Variants in STRADB observed in about 807,000 individuals in gnomAD.
STRADB encodes the protein STE20 related adaptor beta.
A neutral mutation model predicts 52.1 loss-of-function variants in STRADB; 34 were observed. The observed-to-expected ratio is 0.65, with a 90% confidence interval of 0.50 to 0.87. The LOEUF (loss-of-function observed/expected upper bound fraction) is 0.87, where lower values mean the gene tolerates loss of function less well. Ranked by LOEUF, STRADB falls within the 40% of genes least tolerant of loss-of-function variation. The pLI is 0.00. For synonymous variants in STRADB, 133 were observed against 174.5 expected (o/e 0.76, Z 1.87); for missense variants, 340 against 483.9 (o/e 0.70, Z 2.79).
At chr2:201,456,251 C>T (rs1284101833) in intron 2 of STRADB, among the ~76,000 whole-genome samples, 2 of 152,082 alleles carry the variant, frequency 1.3e-5, no homozygotes, top group Non-Finnish European at 2.9e-5. Context: ...GGCTCATGGA[C>T]CATAGTTTGC....
intron 5 of STRADB, among the ~76,000 whole-genome samples, chr2:201,474,160 G>A (rs1952436725): frequency 6.6e-6 from 1 of 152,100 alleles, no homozygotes; most frequent in South Asian, 2.1e-4. Flanking sequence ...AAAGTGCTGG[G>A]ATTACAGGCG....
intron 4 of STRADB, among the ~76,000 whole-genome samples, chr2:201,470,730 C>T (rs1574289480): frequency 6.6e-6 from 1 of 152,208 alleles, no homozygotes; most frequent in South Asian, 2.1e-4. Flanking sequence ...GAGCATACAA[C>T]GAACCACCTC....
chr2:201,474,188 C>T (rs1233567283), intron 5 of STRADB, among the ~76,000 whole-genome samples: 1 of 152,060 alleles, frequency 6.6e-6, no homozygotes, highest in East Asian at 1.9e-4. Flanking sequence ...CCGTGCCCGG[C>T]CCCAATTCTT....
rs372938193 is a variant in STRADB at position 201,480,159 on chromosome 2, C to T, written c.1241C>T (p.Ser414Leu). 145 of 1,613,628 alleles carry T rather than the reference C, an allele frequency of 9.0e-5. No homozygotes were observed. Among genetic ancestry groups the T allele is most frequent in the Middle Eastern group, 1.6e-4 (1 of 6,074 alleles). Reference sequence around the variant, plus strand: ...TGTGATTTTCCTGATGAAAAAGACTCATACTGGGAATTCTAGGGCTGCCAA... The same window carrying T: ...TGTGATTTTCCTGATGAAAAAGACTTATACTGGGAATTCTAGGGCTGCCAA... ...PECDFPDEKDSYWEF is the reference protein window; with the variant it reads ...PECDFPDEKDLYWEF The change falls in exon 12 of 12, where the codon TCA (serine) becomes TTA (leucine). Residue 414 changes from serine to leucine, a missense_variant. Transcript: ENST00000194530.
intron 9 of STRADB, 81 bp downstream of exon 9, chr2:201,478,272 G>C (rs1305111077): frequency 2.1e-5 from 34 of 1,592,600 alleles, no homozygotes; most frequent in Non-Finnish European, 2.9e-5. Context: ...AAACATGTTT[G>C]CTATAGACTC....
At chr2:201,478,706 T>G in intron 10 of STRADB, 105 bp downstream of exon 10, 3 of 1,268,376 alleles carry the variant, frequency 2.4e-6, no homozygotes, top group Non-Finnish European at 3.2e-6. Context: ...TTGATCAAAA[T>G]ATTGTCTGCT....
Position 201,480,683 on chromosome 2 carries a change from A to T in STRADB, c.*508A>T. On this transcript the variant is annotated 3_prime_UTR_variant, in exon 12 of 12. Coordinates refer to ENST00000194530, the MANE Select transcript of STRADB (RefSeq NM_018571.6). The stretch of plus-strand genomic sequence containing the variant: ...CTGTTAATACTTATGGTAACACCTA[A>T]CTGAGCCTCACTCACATTAAATGAT... The T allele has an allele frequency of 7.1e-6, 7 of 986,496 alleles. No homozygotes were observed. Among genetic ancestry groups the T allele is most frequent in the Non-Finnish European group, 8.4e-6 (7 of 830,360 alleles). The allele number at this position is 986,496 out of a possible 1,614,324, so 61.1% of individuals were successfully genotyped here. A position where few individuals can be genotyped will look rare whatever the true frequency, so the allele number is the denominator to read the frequency against.
intron 4 of STRADB, among the ~76,000 whole-genome samples, chr2:201,472,209 C>T (rs1316632070): frequency 2.0e-5 from 3 of 152,156 alleles, no homozygotes; most frequent in South Asian, 2.1e-4. Context: ...CTTCTTATAA[C>T]GTTAAGCATA....
At chr2:201,466,091 A>C (rs1024127898) in intron 3 of STRADB, among the ~76,000 whole-genome samples, 2 of 152,056 alleles carry the variant, frequency 1.3e-5, no homozygotes, top group African/African-American at 4.8e-5. Context: ...ATAGTTGTTC[A>C]ATTTGGTGTT....
At chr2:201,461,787 T>C (rs1576555766) in intron 3 of STRADB, among the ~76,000 whole-genome samples, 1 of 152,210 alleles carries the variant, frequency 6.6e-6, no homozygotes, top group African/African-American at 2.4e-5. Flanking sequence ...TTCCTCCATC[T>C]TTTCTTGTAG....
intron 7 of STRADB, 72 bp from the exon 8 acceptor site, chr2:201,477,547 T>C (rs1323829668): frequency 1.4e-6 from 2 of 1,465,348 alleles, no homozygotes; most frequent in Non-Finnish European, 1.9e-6. Flanking sequence ...TATGGATTTG[T>C]TCCTGCCAGA....
At position 201,478,391 on chromosome 2, in the gene STRADB, G is replaced by C. The variant is rs757128613; in HGVS notation, c.860G>C (p.Ser287Thr). 11 of 1,613,966 alleles carry C rather than the reference G, an allele frequency of 6.8e-6. No homozygotes were observed. The highest frequency in any genetic ancestry group is 8.5e-6 in the Non-Finnish European group (10 of 1,180,040). Residue 287 changes from serine to threonine, a missense_variant, in exon 10 of 12, where the codon AGC (serine) becomes ACC (threonine). Coordinates refer to ENST00000194530, the MANE Select transcript of STRADB (RefSeq NM_018571.6). The stretch of plus-strand genomic sequence containing the variant: ...CAGAAACTGAAAGGTCCTCCTTATA[G>C]CCCATTGGATATCAGTATTTTCCCT... ...LLQKLKGPPY[S>T]PLDISIFPQS...
chr2:201,458,727 A>G (rs1952166240), intron 2 of STRADB, 57 bp from the exon 3 acceptor site: 2 of 1,506,796 alleles, frequency 1.3e-6, no homozygotes, highest in African/African-American at 2.8e-5. Context: ...TCTACATACC[A>G]CCCCTGCTTA....
intron 8 of STRADB, 148 bp downstream of exon 8, chr2:201,477,938 T>C (rs1449073979): frequency 1.7e-6 from 2 of 1,178,102 alleles, no homozygotes; most frequent in East Asian, 2.4e-5. Flanking sequence ...GTTAGGAAAT[T>C]AAATACCATA....
At chr2:201,475,098 C>T (rs964110357) in intron 6 of STRADB, among the ~76,000 whole-genome samples, 6 of 152,286 alleles carry the variant, frequency 3.9e-5, no homozygotes, top group South Asian at 2.1e-4. Context: ...CATCCCTGTC[C>T]GTTTCACTGC....
intron 2 of STRADB, among the ~76,000 whole-genome samples, chr2:201,457,091 G>A (rs139295879): frequency 3.9e-4 from 59 of 152,290 alleles, no homozygotes; most frequent in African/African-American, 1.3e-3. Context: ...CACAGTGAGC[G>A]ATTCTTATGA....
At chr2:201,457,818 G>A (rs1952149794) in intron 2 of STRADB, among the ~76,000 whole-genome samples, 1 of 152,162 alleles carries the variant, frequency 6.6e-6, no homozygotes, top group Admixed American at 6.5e-5. Context: ...GAGGTCAGGA[G>A]TCTGAAACCA....
chr2:201,471,321 G>C (rs1168441482), intron 4 of STRADB, among the ~76,000 whole-genome samples: 1 of 152,112 alleles, frequency 6.6e-6, no homozygotes, highest in East Asian at 1.9e-4. Context: ...AGATGAATCT[G>C]GAAAGGCAGG....
intron 3 of STRADB, chr2:201,460,861 T>C: frequency 4.3e-6 from 1 of 233,298 alleles, no homozygotes; most frequent in Non-Finnish European, 9.4e-6. Flanking sequence ...ACTGATTTCT[T>C]TTCTTTTGGA....
Sources: allele counts gnomAD v4.1 joint callset (sites outside exome capture counted in the v4.1 genomes callset), GRCh38; gene constraint gnomAD v4.1.1; transcripts MANE v1.5; gene names NCBI Gene and HGNC (gene_info 2026-07-23, HGNC 2026-07-21).